Variants in FUT8 observed in about 807,000 individuals in gnomAD.
The protein encoded by FUT8 is alpha-(1,6)-fucosyltransferase.
Under a neutral mutation model 71.3 loss-of-function variants are expected in FUT8, and 29 were observed. The observed-to-expected ratio is 0.41, with a 90% confidence interval of 0.30 to 0.55. The LOEUF is 0.55. Among genes scored for constraint, FUT8 ranks in the 20% least tolerant of loss-of-function variants. The probability of loss-of-function intolerance (pLI) is 0.34; values close to 1 mark genes in which losing one functional copy is unlikely to be tolerated. For missense variants in FUT8, 544 were observed against 702.1 expected (o/e 0.77, Z 2.55); for synonymous variants, 254 against 239.3 (o/e 1.06, Z -0.57).
chr14:65,650,204 C>T (rs773286186), intron 6 of FUT8, among the ~76,000 whole-genome samples: 50 of 134,632 alleles, frequency 3.7e-4, no homozygotes, highest in Admixed American at 1.6e-3. Flanking sequence ...GAGGCTGAGG[C>T]GGGAGAATGG....
At chr14:65,580,227 A>G (rs1044918298) in intron 3 of FUT8, among the ~76,000 whole-genome samples, 3 of 151,508 alleles carry the variant, frequency 2.0e-5, no homozygotes, top group Non-Finnish European at 4.4e-5. Context: ...CCTAGGGTAT[A>G]TGATATAGGC....
At chr14:65,579,420 C>A (rs1463980678) in intron 3 of FUT8, among the ~76,000 whole-genome samples, 1 of 152,108 alleles carries the variant, frequency 6.6e-6, no homozygotes, top group Non-Finnish European at 1.5e-5. Flanking sequence ...ATCATTACAT[C>A]TTTGTTATAT....
intron 7 of FUT8, among the ~76,000 whole-genome samples, chr14:65,692,828 G>A (rs1349413349): frequency 4.0e-5 from 6 of 151,360 alleles, no homozygotes; most frequent in Admixed American, 1.3e-4. Flanking sequence ...CCTCCCAGAC[G>A]GGGTCACGGC....
chr14:65,663,440 G>C (rs1253145514), intron 6 of FUT8, among the ~76,000 whole-genome samples: 1 of 151,414 alleles, frequency 6.6e-6, no homozygotes, highest in Non-Finnish European at 1.5e-5. Flanking sequence ...TACCTTTTCT[G>C]TTCTTTAGTG....
intron 3 of FUT8, among the ~76,000 whole-genome samples, chr14:65,581,829 A>G (rs1156993440): frequency 1.3e-5 from 2 of 152,072 alleles, no homozygotes; most frequent in African/African-American, 4.8e-5. Flanking sequence ...TGATGCCACT[A>G]TTGCCAAATT....
At chr14:65,566,555 G>T (rs556365266) in intron 3 of FUT8, among the ~76,000 whole-genome samples, 3 of 151,980 alleles carry the variant, frequency 2.0e-5, no homozygotes, top group South Asian at 2.1e-4. Flanking sequence ...CAGTGAAAAT[G>T]GTTGAGGAAG....
chr14:65,389,918 G>A, the FUT8 span, among the ~76,000 whole-genome samples: 20,282 of 151,072 alleles, frequency 0.13, 2,016 homozygotes, highest in East Asian at 0.54. Flanking sequence ...TGAGGTGGGC[G>A]GATCATGAGG....
At chr14:65,726,823 T>G (rs1288345048) in intron 9 of FUT8, among the ~76,000 whole-genome samples, 5 of 152,126 alleles carry the variant, frequency 3.3e-5, no homozygotes. Flanking sequence ...CTTCCACCTA[T>G]GAGCCTATAA....
At chr14:65,658,670 ACTAT>A (rs1891812531) in intron 6 of FUT8, among the ~76,000 whole-genome samples, 1 of 152,148 alleles carries the variant, frequency 6.6e-6, no homozygotes, top group Non-Finnish European at 1.5e-5. Context: ...AAGATTAACT[ACTAT>A]CTAATTCCAT....
intron 3 of FUT8, among the ~76,000 whole-genome samples, chr14:65,601,300 A>C (rs1174685413): frequency 6.6e-6 from 1 of 152,200 alleles, no homozygotes; most frequent in Non-Finnish European, 1.5e-5. Flanking sequence ...GAATTTGACA[A>C]ACTCTTATAA....
intron 9 of FUT8, among the ~76,000 whole-genome samples, chr14:65,725,869 T>C (rs1307353702): frequency 6.6e-6 from 1 of 152,270 alleles, no homozygotes; most frequent in Non-Finnish European, 1.5e-5. Context: ...ATAATGCAGG[T>C]ATTAATCTAA....
intron 6 of FUT8, among the ~76,000 whole-genome samples, chr14:65,650,502 C>T (rs1438070795): frequency 6.6e-6 from 1 of 151,382 alleles, no homozygotes; most frequent in Non-Finnish European, 1.5e-5. Flanking sequence ...CAGGGAGGTG[C>T]CACACACCTT....
At chr14:65,428,699 C>T (rs2065424771) in intron 1 of FUT8, among the ~76,000 whole-genome samples, 1 of 151,928 alleles carries the variant, frequency 6.6e-6, no homozygotes, top group Admixed American at 6.6e-5. Context: ...TGGGGATAAT[C>T]TTAAATGCTG....
chr14:65,552,967 T>C (rs939573758), intron 2 of FUT8, among the ~76,000 whole-genome samples: 3 of 152,118 alleles, frequency 2.0e-5, no homozygotes, highest in Admixed American at 1.3e-4. Context: ...ACGTTCTTTT[T>C]TTCCCCCAGA....
intron 2 of FUT8, among the ~76,000 whole-genome samples, chr14:65,543,765 G>A (rs944755146): frequency 2.6e-5 from 4 of 152,242 alleles, no homozygotes; most frequent in Non-Finnish European, 5.9e-5. Flanking sequence ...CAGGTCTTCA[G>A]GGGAGATGAC....
At chr14:65,419,102 C>T (rs986498067) in intron 1 of FUT8, among the ~76,000 whole-genome samples, 3 of 151,906 alleles carry the variant, frequency 2.0e-5, no homozygotes, top group Non-Finnish European at 4.4e-5. Flanking sequence ...GTGGCACATG[C>T]CTGTAATCGT....
intron 7 of FUT8, among the ~76,000 whole-genome samples, chr14:65,673,378 C>T (rs973190312): frequency 3.3e-5 from 5 of 152,158 alleles, no homozygotes; most frequent in African/African-American, 4.8e-5. Context: ...CAGTCTCTTT[C>T]GTGTAAAGGG....
At chr14:65,730,310 A>G (rs1895908953) in intron 9 of FUT8, among the ~76,000 whole-genome samples, 1 of 152,188 alleles carries the variant, frequency 6.6e-6, no homozygotes, top group African/African-American at 2.4e-5. Context: ...CTTTATACAC[A>G]TAGCTTCTGT....
intron 2 of FUT8, among the ~76,000 whole-genome samples, chr14:65,542,522 A>G (rs1884735172): frequency 6.6e-6 from 1 of 152,172 alleles, no homozygotes; most frequent in Non-Finnish European, 1.5e-5. Context: ...AATCTGGCCT[A>G]TGTGTTAGTG....
Sources: allele counts gnomAD v4.1 joint callset (sites outside exome capture counted in the v4.1 genomes callset), GRCh38; gene constraint gnomAD v4.1.1; transcripts MANE v1.5; gene names NCBI Gene and HGNC (gene_info 2026-07-23, HGNC 2026-07-21).